The following MECOM variants were observed in gnomAD, a reference collection of about 807,000 sequenced individuals.
MECOM encodes histone-lysine N-methyltransferase MECOM.
A neutral mutation model predicts 116.3 loss-of-function variants in MECOM; 13 were observed. The ratio of observed to expected loss-of-function variants is 0.11; its 90% confidence interval spans 0.07 to 0.18. MECOM has a LOEUF of 0.18. Among genes scored for constraint, MECOM ranks in the 10% least tolerant of loss-of-function variants. MECOM has a pLI of 1.00. For synonymous variants in MECOM, 528 were observed against 535.2 expected, an observed-to-expected ratio of 0.99 and a Z score of 0.19; for missense variants, 1,299 against 1,509.0, an observed-to-expected ratio of 0.86 and a Z score of 2.31.
At chr3:169,636,212 A>T (rs1222363126) in intron 1 of MECOM, among the ~76,000 whole-genome samples, 1 of 152,054 alleles carries the variant, frequency 6.6e-6, no homozygotes, top group Non-Finnish European at 1.5e-5. Context: ...CAGATGTCTA[A>T]CTCACCCTGC....
chr3:169,502,858 A>G (rs890610995), intron 1 of MECOM, among the ~76,000 whole-genome samples: 4 of 152,194 alleles, frequency 2.6e-5, no homozygotes, highest in Non-Finnish European at 5.9e-5. Context: ...TAAAGATATA[A>G]ACATATTAAA....
At chr3:169,594,170 A>AAAAAAAAAAAAACCC (rs1553894632) in intron 1 of MECOM, among the ~76,000 whole-genome samples, 1 of 119,352 alleles carries the variant, frequency 8.4e-6, no homozygotes, top group African/African-American at 3.9e-5. Context: ...AAAAAAAAAA[A>AAAAAAAAAAAAACCC]AAAAAACACC....
intron 6 of MECOM, among the ~76,000 whole-genome samples, chr3:169,122,333 T>C (rs374444938): frequency 6.6e-6 from 1 of 152,228 alleles, no homozygotes; most frequent in Non-Finnish European, 1.5e-5. Context: ...TTACCAAGGA[T>C]GTCTGACACC....
chr3:169,209,467 G>T (rs1750411776), intron 2 of MECOM, among the ~76,000 whole-genome samples: 1 of 151,938 alleles, frequency 6.6e-6, no homozygotes, highest in Non-Finnish European at 1.5e-5. Flanking sequence ...CTGACAAAGG[G>T]CTAATATCCA....
intron 1 of MECOM, among the ~76,000 whole-genome samples, chr3:169,410,948 A>G (rs756431530): frequency 5.3e-5 from 8 of 152,166 alleles, no homozygotes; most frequent in Non-Finnish European, 1.0e-4. Flanking sequence ...TTAGTCTTCT[A>G]TTTAGATAGA....
chr3:169,160,905 A>G (rs1742746954), intron 2 of MECOM, among the ~76,000 whole-genome samples: 1 of 152,228 alleles, frequency 6.6e-6, no homozygotes, highest in Non-Finnish European at 1.5e-5. Flanking sequence ...ACAGAAAAGG[A>G]AGGACAATAT....
At chr3:169,322,106 A>G (rs1289982350) in intron 2 of MECOM, among the ~76,000 whole-genome samples, 1 of 152,192 alleles carries the variant, frequency 6.6e-6, no homozygotes, top group African/African-American at 2.4e-5. Flanking sequence ...TCTGAACTAT[A>G]AGAAGTTACT....
chr3:169,374,080 T>A lies in MECOM; in HGVS notation c.375+7107A>T, dbSNP rs544151417. ...TCACAAGAGAGGGTCACCAATCCAA[T>A]AGGATTAGTGTCCTTATATTAATAA... On this transcript the variant is annotated intron_variant, in intron 2 of 16. Coordinates refer to ENST00000651503, the MANE Select transcript of MECOM (RefSeq NM_004991.4). 2.0e-5 allele frequency among the ~76,000 whole-genome samples: 3 copies of A among 151,794 alleles called. No homozygotes were observed. The East Asian group carries it at 5.8e-4, about 30-fold the overall frequency.
chr3:169,475,872 A>G (rs1469603756), intron 1 of MECOM, among the ~76,000 whole-genome samples: 5 of 152,318 alleles, frequency 3.3e-5, no homozygotes, highest in Non-Finnish European at 7.3e-5. Context: ...GCTCAAAGAT[A>G]ATTCTTGCTC....
chr3:169,365,946 A>T (rs1208468210), intron 2 of MECOM, among the ~76,000 whole-genome samples: 1 of 152,040 alleles, frequency 6.6e-6, no homozygotes, highest in African/African-American at 2.4e-5. Context: ...TTCTTTAGAT[A>T]TCATGACCTA....
intron 2 of MECOM, among the ~76,000 whole-genome samples, chr3:169,259,392 G>A (rs937195040): frequency 2.0e-5 from 3 of 152,088 alleles, no homozygotes; most frequent in Non-Finnish European, 2.9e-5. Flanking sequence ...CTATGCTTAC[G>A]CTTCTGGATT....
At chr3:169,409,251 G>A (rs1225280885) in intron 1 of MECOM, among the ~76,000 whole-genome samples, 1 of 152,182 alleles carries the variant, frequency 6.6e-6, no homozygotes, top group Non-Finnish European at 1.5e-5. Flanking sequence ...TCTGTTGCTA[G>A]TTTATCTTAT....
intron 1 of MECOM, among the ~76,000 whole-genome samples, chr3:169,632,868 A>G (rs1772259395): frequency 6.6e-6 from 1 of 152,224 alleles, no homozygotes; most frequent in African/African-American, 2.4e-5. Context: ...GACTTCCTGA[A>G]CATTTTGTAG....
At chr3:169,230,013 A>T (rs80279632) in intron 2 of MECOM, among the ~76,000 whole-genome samples, 353 of 152,288 alleles carry the variant, frequency 2.3e-3, no homozygotes, top group African/African-American at 8.3e-3. Context: ...CTTTACTCCA[A>T]TGTCAAGGAA....
chr3:169,154,931 CA>C (rs1211416631), intron 2 of MECOM, among the ~76,000 whole-genome samples: 4 of 152,062 alleles, frequency 2.6e-5, no homozygotes, highest in African/African-American at 9.7e-5. Flanking sequence ...TCCTTCAACC[CA>C]AATTATCTGT....
intron 1 of MECOM, among the ~76,000 whole-genome samples, chr3:169,397,049 A>C (rs1735129251): frequency 6.6e-6 from 1 of 152,168 alleles, no homozygotes; most frequent in Non-Finnish European, 1.5e-5. Context: ...GTAATATACA[A>C]ATGCCAAAAG....
At chr3:169,428,318 T>G (rs1057413864) in intron 1 of MECOM, among the ~76,000 whole-genome samples, 2 of 152,142 alleles carry the variant, frequency 1.3e-5, no homozygotes, top group African/African-American at 4.8e-5. Flanking sequence ...GGGGTTGGTT[T>G]TGGGATGAAA....
At chr3:169,619,349 C>G (rs1454019917) in intron 1 of MECOM, among the ~76,000 whole-genome samples, 1 of 152,174 alleles carries the variant, frequency 6.6e-6, no homozygotes, top group Non-Finnish European at 1.5e-5. Flanking sequence ...GCTCCACATC[C>G]CACAAATAAG....
chr3:169,578,906 C>T (rs1474961644), intron 1 of MECOM, among the ~76,000 whole-genome samples: 1 of 152,144 alleles, frequency 6.6e-6, no homozygotes, highest in Admixed American at 6.6e-5. Context: ...AAGACCATTG[C>T]CATTTCCCAA....
Sources: allele counts gnomAD v4.1 joint callset (sites outside exome capture counted in the v4.1 genomes callset), GRCh38; gene constraint gnomAD v4.1.1; transcripts MANE v1.5; gene names NCBI Gene and HGNC (gene_info 2026-07-23, HGNC 2026-07-21).